Variants in NARS2 observed in about 807,000 individuals in gnomAD.
NARS2 encodes asparaginyl-tRNA synthetase.
In NARS2, 60 loss-of-function variants were observed where a neutral mutation model predicts 62.9. The ratio of observed to expected loss-of-function variants is 0.95; its 90% confidence interval spans 0.77 to 1.18. NARS2 has a LOEUF of 1.18. Ranked by LOEUF, NARS2 falls within the 50% of genes most tolerant of loss-of-function variation. The pLI is 0.00. For synonymous variants in NARS2, 196 were observed against 200.0 expected (o/e 0.98, Z 0.17); for missense variants, 619 against 576.4 (o/e 1.07, Z -0.76).
chr11:78,493,965 CAAGAAAA>C (rs1304500864), intron 6 of NARS2, among the ~76,000 whole-genome samples: 15 of 152,072 alleles, frequency 9.9e-5, no homozygotes, highest in African/African-American at 3.6e-4. Flanking sequence ...TTTTTAAACA[CAAGAAAA>C]AAGAACGTCA....
Position 78,574,799 on chromosome 11 carries a change from C to T in NARS2, c.-311G>A, listed in dbSNP as rs547973899. 1.9e-5 allele frequency: 6 copies of T among 319,720 alleles called. No individual in the cohort carries two copies. Among genetic ancestry groups the T allele is most frequent in the African/African-American group, 1.1e-4 (5 of 46,240 alleles). 19.8% of individuals were successfully genotyped at this position (319,720 alleles called of 1,614,324 possible). On this transcript the variant is annotated 5_prime_UTR_variant, in exon 1 of 14. Coordinates refer to ENST00000281038, the MANE Select transcript of NARS2 (RefSeq NM_024678.6). The stretch of plus-strand genomic sequence containing the variant: ...ACAATTGTAAACCTACGAACAGAAC[C>T]CGGGCCGCAACACGCGCAACCACTC...
At chr11:78,534,418 T>C (rs1861592583) in intron 5 of NARS2, among the ~76,000 whole-genome samples, 1 of 152,222 alleles carries the variant, frequency 6.6e-6, no homozygotes, top group Non-Finnish European at 1.5e-5. Context: ...GCCATTACAC[T>C]GAGTAGCAGT....
Position 78,465,208 on chromosome 11 carries a change from G to A in NARS2, c.1164+668C>T, listed in dbSNP as rs569177305. 1.3e-4 allele frequency among the ~76,000 whole-genome samples: 20 copies of A among 152,276 alleles called. No homozygotes were observed. In the East Asian group the frequency reaches 1.7e-3, roughly 13 times the overall value. ...TCACTGCCCGGAGCAGGTGGGGCCC[G>A]CCGAGCCCACACCCACCTGGAACTC... On this transcript the variant is annotated intron_variant, in intron 11 of 13. Transcript: ENST00000281038.
intron 9 of NARS2, among the ~76,000 whole-genome samples, chr11:78,471,744 C>T (rs1341705064): frequency 7.2e-6 from 1 of 139,026 alleles, no homozygotes; most frequent in African/African-American, 2.7e-5. Context: ...TCCATGTGAT[C>T]TCATTGTTCA....
Position 78,565,953 on chromosome 11 carries a change from T to C in NARS2, c.513+179A>G, listed in dbSNP as rs113303829. On this transcript the variant is annotated intron_variant, in intron 4 of 13. Coordinates refer to ENST00000281038, the MANE Select transcript of NARS2 (RefSeq NM_024678.6). ...ACACCCAACAAGGTAAAATTCACAATGTCTGGCACCCAAAGCTAGGTCATG... is the reference window on the plus strand; with the variant it reads ...ACACCCAACAAGGTAAAATTCACAACGTCTGGCACCCAAAGCTAGGTCATG... Among the ~76,000 whole-genome samples, 975 of 152,244 alleles carry C rather than the reference T, an allele frequency of 6.4e-3. 6 individuals are homozygous for C. The highest frequency in any genetic ancestry group is 0.022 in the African/African-American group (928 of 41,536).
intron 9 of NARS2, among the ~76,000 whole-genome samples, chr11:78,470,281 A>G (rs568966573): frequency 3.9e-5 from 6 of 152,304 alleles, no homozygotes; most frequent in Admixed American, 1.3e-4. Flanking sequence ...TTTTAATTTA[A>G]CTATGTGAAT....
At chr11:78,454,680 G>C (rs1032789822) in intron 11 of NARS2, among the ~76,000 whole-genome samples, 2 of 150,792 alleles carry the variant, frequency 1.3e-5, no homozygotes, top group African/African-American at 4.9e-5. Flanking sequence ...GTGCAGTGGC[G>C]TGATCTCGGC....
At chr11:78,495,109 T>C (rs1256927294) in intron 6 of NARS2, among the ~76,000 whole-genome samples, 2 of 152,118 alleles carry the variant, frequency 1.3e-5, no homozygotes, top group Non-Finnish European at 2.9e-5. Flanking sequence ...AAACTATAGG[T>C]TTCCAAACTC....
At chr11:78,450,696 A>G (rs1857941680) in intron 11 of NARS2, among the ~76,000 whole-genome samples, 1 of 126,916 alleles carries the variant, frequency 7.9e-6, no homozygotes, top group African/African-American at 3.1e-5. Flanking sequence ...TTTTCCTGAG[A>G]CTGAGTCTCA....
rs186041940 is a variant in NARS2 at position 78,453,536 on chromosome 11, T to C, written c.1165-9778A>G. ...CGCTAAAGCTGAAAGAGGGAAAAAG[T>C]TTAATGGCCCTTCCTCTGCCACCTC... is the stretch of plus-strand genomic sequence containing the variant. On this transcript the variant is annotated intron_variant, in intron 11 of 13. Coordinates refer to ENST00000281038, the MANE Select transcript of NARS2 (RefSeq NM_024678.6). Among the ~76,000 whole-genome samples the C allele has an allele frequency of 1.8e-3, 269 of 152,090 alleles. 3 individuals are homozygous for C. The highest frequency in any genetic ancestry group is 6.8e-3 in the Middle Eastern group (2 of 294).
intron 6 of NARS2, among the ~76,000 whole-genome samples, chr11:78,517,005 C>G (rs1860937607): frequency 1.3e-5 from 2 of 152,114 alleles, no homozygotes. Context: ...CATTTTTAAG[C>G]TGAGTTTAGC....
chr11:78,515,254 T>C (rs2135397175), intron 6 of NARS2, among the ~76,000 whole-genome samples: 1 of 152,268 alleles, frequency 6.6e-6, no homozygotes, highest in African/African-American at 2.4e-5. Flanking sequence ...CCAGATGTCC[T>C]CACCACTCAG....
At chr11:78,485,406 A>G (rs189368929) in intron 7 of NARS2, among the ~76,000 whole-genome samples, 1 of 152,196 alleles carries the variant, frequency 6.6e-6, no homozygotes, top group East Asian at 1.9e-4. Context: ...GTAAAAAAAA[A>G]CAAAAAAAAC....
chr11:78,467,571 T>TA (rs1399736903), intron 10 of NARS2, among the ~76,000 whole-genome samples: 3,111 of 150,192 alleles, frequency 0.021, 99 homozygotes, highest in African/African-American at 0.065. Context: ...ATAAATAAAT[T>TA]AATTAATTAA....
chr11:78,563,851 A>AAAAAT (rs1404770578), intron 4 of NARS2, among the ~76,000 whole-genome samples: 25 of 34,014 alleles, frequency 7.3e-4, no homozygotes, highest in African/African-American at 2.3e-3. Flanking sequence ...AAAAAAAAAA[A>AAAAAT]ATATATATAT....
chr11:78,505,418 T>C (rs1311374361), intron 6 of NARS2, among the ~76,000 whole-genome samples: 4 of 151,828 alleles, frequency 2.6e-5, no homozygotes, highest in Admixed American at 6.6e-5. Context: ...TCCAATAGCA[T>C]AGTATTTCAA....
rs901801329 is a variant in NARS2, at chr11:78,574,604, G to A, written c.-116C>T. On this transcript the variant is annotated 5_prime_UTR_variant, in exon 1 of 14. Transcript: ENST00000281038. ...TTCCGCGGCCGCAGCTCTGCTCTAA[G>A]GCACTCCAGAGCCCCTCGGCTGCGC... 1.7e-6 allele frequency: 2 copies of A among 1,195,008 alleles called. No homozygotes were observed. Among genetic ancestry groups the A allele is most frequent in the African/African-American group, 1.5e-5 (1 of 65,182 alleles). 74.0% of individuals were successfully genotyped at this position (1,195,008 alleles called of 1,614,324 possible).
At position 78,510,775 on chromosome 11, in the gene NARS2, CA is replaced by C. The variant is rs544541654; in HGVS notation, c.690-17581del. The stretch of plus-strand genomic sequence containing the variant: ...CATACTTAAAATGGTACAACAAATG[CA>C]AAAAAAGAGAACGAATTAACAAATT... On this transcript the variant is annotated intron_variant, in intron 6 of 13. Coordinates refer to ENST00000281038, the MANE Select transcript of NARS2 (RefSeq NM_024678.6). Among the ~76,000 whole-genome samples the C allele has an allele frequency of 4.0e-3, 607 of 151,852 alleles. 9 individuals carry two copies. Among genetic ancestry groups the C allele is most frequent in the Middle Eastern group, 0.024 (7 of 292 alleles).
chr11:78,466,555 A>C (rs1412034484), intron 10 of NARS2, among the ~76,000 whole-genome samples: 4 of 152,078 alleles, frequency 2.6e-5, no homozygotes, highest in Non-Finnish European at 4.4e-5. Context: ...ATCTCGGCTC[A>C]CTGCAACCTC....
Sources: gnomAD v4.1 joint callset for allele counts (sites outside exome capture counted in the v4.1 genomes callset) on GRCh38, gnomAD v4.1.1 for gene constraint, MANE v1.5 for transcripts, NCBI Gene and HGNC (gene_info 2026-07-23, HGNC 2026-07-21) for gene names.